The following LGI1 variants were observed in gnomAD, a reference collection of about 807,000 sequenced individuals.
The protein encoded by LGI1 is leucine-rich glioma-inactivated protein 1.
A neutral mutation model predicts 57.7 loss-of-function variants in LGI1; 11 were observed. The ratio of observed to expected loss-of-function variants is 0.19; its 90% CI spans 0.12 to 0.32. The LOEUF (loss-of-function observed/expected upper bound fraction) is 0.32. Ranked by LOEUF, LGI1 falls within the 10% of genes least tolerant of loss-of-function variation. The pLI, the probability that LGI1 is intolerant of heterozygous loss-of-function variation, is 1.00. For synonymous variants in LGI1, 222 were observed against 241.9 expected, an observed-to-expected ratio of 0.92 and a Z score of 0.76; for missense variants, 422 against 661.9, an observed-to-expected ratio of 0.64 and a Z score of 3.98.
rs2059588237 is a variant in LGI1 at position 93,758,483 on chromosome 10, T to C, written c.215+124T>C. 1 of 1,015,160 alleles carries C rather than the reference T, an allele frequency of 9.9e-7. No individual in the cohort carries two copies. The highest frequency in any genetic ancestry group is 1.5e-6 in the Non-Finnish European group (1 of 652,540). 62.9% of individuals were successfully genotyped at this position (1,015,160 alleles called of 1,614,324 possible). ...GAGATTCCTCTTGCATGCTTGGCCATTTGACAGTGCTAACATTTGCTGCAT... is the reference window on the plus strand; with the variant it reads ...GAGATTCCTCTTGCATGCTTGGCCACTTGACAGTGCTAACATTTGCTGCAT... On this transcript the variant is annotated intron_variant, in intron 1 of 7. Transcript: ENST00000371418. This position sits in a 1 kb window ranked among gnomAD's most constrained non-coding sequence, Gnocchi z 4.7.
intron 2 of LGI1, chr10:93,769,465 G>C (rs76086040): frequency 6.6e-6 from 1 of 152,284 alleles, no homozygotes; most frequent in Non-Finnish European, 1.5e-5. Context: ...AGTTAAACAC[G>C]TGTTCTTTTC....
intron 4 of LGI1, among the ~76,000 whole-genome samples, chr10:93,784,713 T>C (rs1053231645): frequency 3.3e-5 from 5 of 152,178 alleles, no homozygotes; most frequent in African/African-American, 1.2e-4. Context: ...AGAATTCTTA[T>C]ATCTAGTATT....
Position 93,792,805 on chromosome 10 carries a change from G to T in LGI1, c.566G>T (p.Gly189Val). 1 of 1,614,022 alleles carries T rather than the reference G, an allele frequency of 6.2e-7. No homozygotes were observed. The highest frequency in any genetic ancestry group is 8.5e-7 in the Non-Finnish European group (1 of 1,180,006). Residue 189 changes from glycine to valine, a missense_variant, in exon 6 of 8, where the codon GGC (glycine) becomes GTC (valine). Gly to Val is a moderately radical substitution (Grantham distance 109). Transcript: ENST00000371418. ...CKLKWLVEWLGHTNATVEDIY... is the reference protein window; with the variant it reads ...CKLKWLVEWLVHTNATVEDIY... ...CTGAAATGGCTAGTGGAATGGCTTGGCCACACCAATGCAACTGTTGAAGAC... is the reference window on the plus strand; with the variant it reads ...CTGAAATGGCTAGTGGAATGGCTTGTCCACACCAATGCAACTGTTGAAGAC...
chr10:93,766,442 A>T lies in LGI1; in HGVS notation c.287+7611A>T, dbSNP rs1417980823. On this transcript the variant is annotated intron_variant, in intron 2 of 7. Transcript: ENST00000371418. ...TGCCAGTTTACAAGCCACGCAATAA[A>T]ACCAGGCAAGGTTTTATTAGAGACA... 2.0e-5 allele frequency among the ~76,000 whole-genome samples: 3 copies of T among 152,028 alleles called. No homozygotes were observed. In the East Asian group the frequency reaches 5.8e-4, roughly 29 times the overall value.
chr10:93,792,367 G>T, intron 5 of LGI1: 1 of 221,346 alleles, frequency 4.5e-6, no homozygotes, highest in Non-Finnish European at 9.1e-6. Context: ...TGTATGTATT[G>T]GGTTAAATAA....
At chr10:93,782,451 T>C (rs970009510) in intron 4 of LGI1, among the ~76,000 whole-genome samples, 21 of 152,216 alleles carry the variant, frequency 1.4e-4, no homozygotes, top group African/African-American at 5.1e-4. Context: ...GGGCCTGGTA[T>C]GTAGTAAGCA....
rs1283915619 is a variant in LGI1, at chr10:93,758,027, C to CAG, written c.-114_-113dup. The CAG allele has an allele frequency of 6.8e-6, 6 of 878,382 alleles. No individual in the cohort carries two copies. The highest frequency in any genetic ancestry group is 1.1e-5 in the Non-Finnish European group (6 of 534,988). The allele number at this position is 878,382 out of a possible 1,614,324, so 54.4% of individuals were successfully genotyped here. On this transcript the variant is annotated 5_prime_UTR_variant, in exon 1 of 8. Coordinates refer to ENST00000371418, the MANE Select transcript of LGI1 (RefSeq NM_005097.4). This position sits in a 1 kb window ranked among gnomAD's most constrained non-coding sequence, Gnocchi z 4.7. ...GCTGCAGGTCTCTGTTTTGAAAAAG[C>CAG]AGAGATACAGAGGCAGAGGAAAAGG...
At chr10:93,783,363 G>A (rs375373662) in intron 4 of LGI1, among the ~76,000 whole-genome samples, 4 of 152,166 alleles carry the variant, frequency 2.6e-5, no homozygotes, top group Non-Finnish European at 5.9e-5. Context: ...GTGACAGAGC[G>A]AGACTCCGTC....
chr10:93,771,684 G>A (rs1190552217), intron 2 of LGI1: 1 of 152,088 alleles, frequency 6.6e-6, no homozygotes, highest in African/African-American at 2.4e-5. Flanking sequence ...TTTAAAAAAG[G>A]ATTAAAGGCA....
chr10:93,760,359 T>C (rs534626719), intron 2 of LGI1, among the ~76,000 whole-genome samples: 1 of 152,354 alleles, frequency 6.6e-6, no homozygotes, highest in South Asian at 2.1e-4. Context: ...CTGGGATCCT[T>C]CCATAGGATA....
At position 93,758,586 on chromosome 10, in the gene LGI1, G is replaced by A; in HGVS notation, c.216-174G>A. ...CCCTGAACATTATCATGAGAAACCT[G>A]TAGCCGATTCATTTCTCTTACTTCA... On this transcript the variant is annotated intron_variant, in intron 1 of 7. Transcript: ENST00000371418. This position sits in a 1 kb window ranked among gnomAD's most constrained non-coding sequence, Gnocchi z 4.7. 1 of 689,700 alleles carries A rather than the reference G, an allele frequency of 1.4e-6. No homozygotes were observed. The highest frequency in any genetic ancestry group is 1.7e-5 in the South Asian group (1 of 57,590). 42.7% of individuals were successfully genotyped at this position (689,700 alleles called of 1,614,324 possible).
rs563153664 is a variant in LGI1, at chr10:93,776,441, C to G, written c.288-938C>G. Among the ~76,000 whole-genome samples, 13 of 152,234 alleles carry G rather than the reference C, an allele frequency of 8.5e-5. No homozygotes were observed. In the South Asian group the frequency reaches 2.5e-3, roughly 29 times the overall value. ...GCAATCCCAGATGACAAATAAATTA[C>G]TCATAAATGTTCACAAAGTGAGATC... On this transcript the variant is annotated intron_variant, in intron 2 of 7. Transcript: ENST00000371418.
At chr10:93,794,067 G>A (rs1374261888) in intron 7 of LGI1, 2 of 138,120 alleles carry the variant, frequency 1.4e-5, no homozygotes, top group Non-Finnish European at 3.0e-5. Flanking sequence ...CACCCAGGCT[G>A]GAGTGCAGTG....
At position 93,758,668 on chromosome 10, in the gene LGI1, G is replaced by C; in HGVS notation, c.216-92G>C. The stretch of plus-strand genomic sequence containing the variant: ...ATAGTGTCAAAATAGTCACTGTTAT[G>C]CTAAACCGGATTAACATAAGGTTTG... On this transcript the variant is annotated intron_variant, in intron 1 of 7. Transcript: ENST00000371418. The surrounding 1 kb of genome is among the most constrained non-coding windows in gnomAD (Gnocchi z 4.7). 2.2e-6 allele frequency: 2 copies of C among 902,794 alleles called. No individual in the cohort carries two copies. The highest frequency in any genetic ancestry group is 1.4e-5 in the South Asian group (1 of 73,832). The allele number at this position is 902,794 out of a possible 1,614,324, so 55.9% of individuals were successfully genotyped here.
At chr10:93,790,242 T>G (rs1310774131) in intron 5 of LGI1, 72 bp downstream of exon 5, 1 of 1,274,036 alleles carries the variant, frequency 7.8e-7, no homozygotes, top group Non-Finnish European at 1.1e-6. Flanking sequence ...TGGTATTGAT[T>G]ATTATAATTT....
At chr10:93,796,863 T>G in intron 7 of LGI1, 105 bp from the exon 8 acceptor site, 1 of 921,316 alleles carries the variant, frequency 1.1e-6, no homozygotes, top group Non-Finnish European at 1.7e-6. Flanking sequence ...GGAGATCTCT[T>G]GTTTCAGGCT....
Position 93,790,775 on chromosome 10 carries a change from C to T in LGI1, c.503+605C>T, listed in dbSNP as rs200449188. ...TTTCAAACTTTGACTTTTAAGCCTC[C>T]GAGTGAAAGATCTTTGCAAGGAATT... is the stretch of plus-strand genomic sequence containing the variant. On this transcript the variant is annotated intron_variant, in intron 5 of 7. Transcript: ENST00000371418. The T allele has an allele frequency of 4.6e-5, 7 of 152,514 alleles. No homozygotes were observed. The East Asian group carries it at 9.6e-4, about 21-fold the overall frequency. 9.4% of individuals were successfully genotyped at this position (152,514 alleles called of 1,614,324 possible). A position where few individuals can be genotyped will look rare whatever the true frequency, so the allele number is the denominator to read the frequency against.
chr10:93,797,915 T>C lies in LGI1; in HGVS notation c.*112T>C, dbSNP rs552419347. The C allele has an allele frequency of 2.3e-4, 179 of 790,016 alleles. No homozygotes were observed. Among genetic ancestry groups the C allele is most frequent in the East Asian group, 1.6e-3 (64 of 39,304 alleles). The allele number at this position is 790,016 out of a possible 1,614,324, so 48.9% of individuals were successfully genotyped here. ...CTTGCAAATGAATGCCTTTCAAACA[T>C]TGAGACTGCTAGAACCAAGCACTAC... On this transcript the variant is annotated 3_prime_UTR_variant, in exon 8 of 8. Coordinates refer to ENST00000371418, the MANE Select transcript of LGI1 (RefSeq NM_005097.4). This position sits in a 1 kb window ranked among gnomAD's most constrained non-coding sequence, Gnocchi z 6.5.
intron 4 of LGI1, among the ~76,000 whole-genome samples, chr10:93,778,208 A>C (rs1291873162): frequency 6.6e-6 from 1 of 152,184 alleles, no homozygotes. Context: ...GGATTCTTCT[A>C]CTGCTTAGGA....
Sources: gnomAD v4.1 joint callset for allele counts (sites outside exome capture counted in the v4.1 genomes callset) on GRCh38, gnomAD v4.1.1 for gene constraint, Gnocchi (gnomAD v3.1) non-coding constraint, MANE v1.5 for transcripts, NCBI Gene and HGNC (gene_info 2026-07-23, HGNC 2026-07-21) for gene names.